The following COL8A1 variants were observed in gnomAD, a reference collection of about 807,000 sequenced individuals.
COL8A1 encodes the protein collagen alpha-1(VIII) chain.
COL8A1 carries 21 observed loss-of-function variants against 42.7 expected under a neutral mutation model. That is an observed-to-expected ratio of 0.49 (90% confidence interval 0.35 to 0.71). COL8A1 has a LOEUF of 0.71. COL8A1 is among the 30% of genes least tolerant of loss of function. The probability of loss-of-function intolerance (pLI) is 0.01; values close to 1 mark genes in which losing one functional copy is unlikely to be tolerated. For synonymous variants in COL8A1, 367 were observed against 369.1 expected (o/e 0.99, Z 0.06); for missense variants, 788 against 962.4 (o/e 0.82, Z 2.40).
chr3:99,718,074 A>G (rs907544803), intron 1 of COL8A1, among the ~76,000 whole-genome samples: 2 of 151,966 alleles, frequency 1.3e-5, no homozygotes, highest in Non-Finnish European at 2.9e-5. Flanking sequence ...TGCAAGACCC[A>G]GCTTCCCATC....
At chr3:99,703,784 T>G (rs541694757) in intron 1 of COL8A1, among the ~76,000 whole-genome samples, 46 of 152,344 alleles carry the variant, frequency 3.0e-4, no homozygotes, top group African/African-American at 1.1e-3. Flanking sequence ...AAAGTTTGCT[T>G]TCAGTGATCT....
chr3:99,707,736 T>G (rs1042576321), intron 1 of COL8A1, among the ~76,000 whole-genome samples: 6 of 152,064 alleles, frequency 3.9e-5, no homozygotes, highest in African/African-American at 1.4e-4. Context: ...ATAAAACAAG[T>G]AAGAAAAGTA....
chr3:99,691,197 C>T (rs892065451), intron 1 of COL8A1, among the ~76,000 whole-genome samples: 1 of 152,042 alleles, frequency 6.6e-6, no homozygotes, highest in African/African-American at 2.4e-5. Context: ...ATAATGTGGC[C>T]AAAATACTGA....
rs536067568 is a variant in COL8A1, at chr3:99,705,196, C to A, written c.-128-39701C>A. ...CAAAAACCCAGTTTCCCATTCGAATCCCCAAGTAGTTCTGACGTACGTCCA... is the reference window on the plus strand; with the variant it reads ...CAAAAACCCAGTTTCCCATTCGAATACCCAAGTAGTTCTGACGTACGTCCA... On this transcript the variant is annotated intron_variant, in intron 1 of 3. Coordinates refer to ENST00000652472, the MANE Select transcript of COL8A1 (RefSeq NM_020351.4). Among the ~76,000 whole-genome samples the A allele has an allele frequency of 7.9e-5, 12 of 152,270 alleles. No individual in the cohort carries two copies. In the East Asian group the frequency reaches 2.3e-3, roughly 29 times the overall value.
chr3:99,694,420 G>C (rs758217485), intron 1 of COL8A1, among the ~76,000 whole-genome samples: 1 of 151,678 alleles, frequency 6.6e-6, no homozygotes, highest in Non-Finnish European at 1.5e-5. Context: ...AGGTTGCAGA[G>C]AGCCGAGATC....
chr3:99,671,540 C>T (rs906942248), intron 1 of COL8A1, among the ~76,000 whole-genome samples: 4 of 151,882 alleles, frequency 2.6e-5, no homozygotes, highest in African/African-American at 9.7e-5. Flanking sequence ...TTATGATGTA[C>T]AATAGATCCC....
intron 2 of COL8A1, among the ~76,000 whole-genome samples, chr3:99,760,567 C>T (rs544581102): frequency 6.6e-6 from 1 of 152,232 alleles, no homozygotes; most frequent in East Asian, 1.9e-4. Context: ...CGAGAATGAA[C>T]ATAAATTCTA....
chr3:99,735,557 A>T (rs1441090238), intron 1 of COL8A1, among the ~76,000 whole-genome samples: 2 of 150,444 alleles, frequency 1.3e-5, no homozygotes, highest in Non-Finnish European at 2.9e-5. Flanking sequence ...GTTTGCCAGT[A>T]TTTTATTGAG....
chr3:99,737,922 T>C (rs1413629916), intron 1 of COL8A1, among the ~76,000 whole-genome samples: 1 of 151,406 alleles, frequency 6.6e-6, no homozygotes, highest in Non-Finnish European at 1.5e-5. Flanking sequence ...GCTTTGCTCA[T>C]TTCTTTTTAT....
intron 1 of COL8A1, among the ~76,000 whole-genome samples, chr3:99,718,188 G>A (rs545209712): frequency 6.6e-6 from 1 of 151,980 alleles, no homozygotes; most frequent in African/African-American, 2.4e-5. Flanking sequence ...GAACACAGTA[G>A]TCCACTGTGT....
chr3:99,722,285 T>C (rs1447088637), intron 1 of COL8A1, among the ~76,000 whole-genome samples: 1 of 152,122 alleles, frequency 6.6e-6, no homozygotes, highest in Non-Finnish European at 1.5e-5. Flanking sequence ...TCCTTTCCAG[T>C]GGCATAAAAT....
At chr3:99,707,893 T>G (rs932312546) in intron 1 of COL8A1, among the ~76,000 whole-genome samples, 2 of 152,056 alleles carry the variant, frequency 1.3e-5, no homozygotes, top group Non-Finnish European at 2.9e-5. Flanking sequence ...ATGAGACAGA[T>G]AGTGTTTTTA....
rs1576431364 is a variant in COL8A1 at position 99,688,871 on chromosome 3, G to A, written c.-129+50207G>A. Among the ~76,000 whole-genome samples, 5 of 152,148 alleles carry A rather than the reference G, an allele frequency of 3.3e-5. No individual in the cohort carries two copies. The South Asian group carries it at 6.2e-4, about 19-fold the overall frequency. ...TGGACCAGATATTTCTTTGCTGTAG[G>A]AGGCTGACCTGTGCATTGTGAGAGT... On this transcript the variant is annotated intron_variant, in intron 1 of 3. Coordinates refer to ENST00000652472, the MANE Select transcript of COL8A1 (RefSeq NM_020351.4).
chr3:99,791,262 T>C (rs554150998), intron 3 of COL8A1, among the ~76,000 whole-genome samples: 143 of 152,362 alleles, frequency 9.4e-4, no homozygotes, highest in Middle Eastern at 3.4e-3. Context: ...AAATCACAAA[T>C]AGTCTATCCC....
intron 1 of COL8A1, among the ~76,000 whole-genome samples, chr3:99,645,980 G>A (rs1576410634): frequency 6.6e-6 from 1 of 152,078 alleles, no homozygotes; most frequent in South Asian, 2.1e-4. Flanking sequence ...GTAAGGGGAA[G>A]GGAGCTGGGA....
At chr3:99,788,266 A>G (rs1200745330) in intron 2 of COL8A1, among the ~76,000 whole-genome samples, 1 of 152,242 alleles carries the variant, frequency 6.6e-6, no homozygotes, top group African/African-American at 2.4e-5. Context: ...GGCAGACCTA[A>G]AGAGCTGGTT....
chr3:99,665,612 G>A (rs1362774405), intron 1 of COL8A1, among the ~76,000 whole-genome samples: 2 of 151,642 alleles, frequency 1.3e-5, no homozygotes, highest in African/African-American at 2.4e-5. Context: ...TCTCTCAGGG[G>A]CTAGCATAGT....
intron 1 of COL8A1, among the ~76,000 whole-genome samples, chr3:99,651,528 G>C (rs927034333): frequency 6.6e-6 from 1 of 152,228 alleles, no homozygotes; most frequent in African/African-American, 2.4e-5. Context: ...TGACAATGAT[G>C]TGCCCCTGGC....
At chr3:99,727,312 G>T (rs1189128186) in intron 1 of COL8A1, among the ~76,000 whole-genome samples, 1 of 151,996 alleles carries the variant, frequency 6.6e-6, no homozygotes, top group African/African-American at 2.4e-5. Context: ...GGAGATTTTG[G>T]GCTGAGACGA....
Sources: gnomAD v4.1 joint callset for allele counts (sites outside exome capture counted in the v4.1 genomes callset) on GRCh38, gnomAD v4.1.1 for gene constraint, MANE v1.5 for transcripts, NCBI Gene and HGNC (gene_info 2026-07-23, HGNC 2026-07-21) for gene names.